Variants in CPED1 observed in about 807,000 individuals in gnomAD.
CPED1 encodes the protein cadherin-like and PC-esterase domain-containing protein 1.
In CPED1, 114 loss-of-function variants were observed where a neutral mutation model predicts 128.2. The ratio of observed to expected loss-of-function variants is 0.89; its 90% CI spans 0.76 to 1.04. CPED1 has a LOEUF of 1.04. Ranked by LOEUF, CPED1 falls within the 50% of genes least tolerant of loss-of-function variation. CPED1 has a pLI of 0.00. For missense variants in CPED1, 1,211 were observed against 1,207.1 expected, an observed-to-expected ratio of 1.00 and a Z score of -0.05; for synonymous variants, 462 against 426.7, an observed-to-expected ratio of 1.08 and a Z score of -1.02.
At position 121,294,377 on chromosome 7, in the gene CPED1, C is replaced by G. The variant is rs548798131; in HGVS notation, c.2869-1063C>G. Among the ~76,000 whole-genome samples, 368 of 152,054 alleles carry G rather than the reference C, an allele frequency of 2.4e-3. 2 individuals are homozygous for G. The highest frequency in any genetic ancestry group is 8.2e-3 in the African/African-American group (339 of 41,444). The stretch of plus-strand genomic sequence containing the variant: ...ACTTATGCATGATGCTTCTTAAAAC[C>G]GCTGTTCTCTGTGGTGGGAAGATCT... On this transcript the variant is annotated intron_variant, in intron 22 of 22. Coordinates refer to ENST00000310396, the MANE Select transcript of CPED1 (RefSeq NM_024913.5).
rs570166585 is a variant in CPED1 at position 121,192,359 on chromosome 7, T to G, written c.2056-44355T>G. Among the ~76,000 whole-genome samples, 3 of 152,304 alleles carry G rather than the reference T, an allele frequency of 2.0e-5. No individual in the cohort carries two copies. In the East Asian group the frequency reaches 5.8e-4, roughly 29 times the overall value. On this transcript the variant is annotated intron_variant, in intron 16 of 22. Coordinates refer to ENST00000310396, the MANE Select transcript of CPED1 (RefSeq NM_024913.5). ...GGATTTCAGATTCTTGGATTAGGGC[T>G]GCTCAACTGGTAAATATTTACTGCA...
intron 18 of CPED1, among the ~76,000 whole-genome samples, chr7:121,261,141 A>G (rs764263844): frequency 2.0e-5 from 3 of 152,128 alleles, no homozygotes; most frequent in Non-Finnish European, 2.9e-5. Flanking sequence ...AAGTCTAAGT[A>G]TTATCATTGT....
At chr7:121,174,877 G>A (rs1796740552) in intron 16 of CPED1, among the ~76,000 whole-genome samples, 1 of 151,976 alleles carries the variant, frequency 6.6e-6, no homozygotes, top group Non-Finnish European at 1.5e-5. Flanking sequence ...TTTTCCATTT[G>A]TTTGTGTCAT....
chr7:121,023,204 A>G (rs568009437), intron 3 of CPED1, among the ~76,000 whole-genome samples: 11 of 152,270 alleles, frequency 7.2e-5, no homozygotes, highest in African/African-American at 2.6e-4. Flanking sequence ...CAGGAATGAG[A>G]AAACAGATTG....
chr7:121,140,997 G>A lies in CPED1; in HGVS notation c.1870G>A (p.Glu624Lys), dbSNP rs758136467. The change falls in exon 15 of 23, where the codon GAG becomes AAG. Residue 624 changes from glutamate (E) to lysine (K), a missense_variant. Transcript: ENST00000310396. ...GTGTCTGTGCAAGGTGCACCTGTACGAGCAGGCAGGGCCAAGGTATGAGAT... is the reference window on the plus strand; with the variant it reads ...GTGTCTGTGCAAGGTGCACCTGTACAAGCAGGCAGGGCCAAGGTATGAGAT... ...PKCLCKVHLY[E>K]QAGPSFASYP... 2.1e-5 allele frequency: 34 copies of A among 1,610,310 alleles called. No homozygotes were observed. The highest frequency in any genetic ancestry group is 1.2e-4 in the South Asian group (11 of 90,468).
rs545994626 is a variant in CPED1 at position 121,183,717 on chromosome 7, G to A, written c.2055+41576G>A. On this transcript the variant is annotated intron_variant, in intron 16 of 22. Transcript: ENST00000310396. ...AGTTTTCTATGTATTTTAATTTTCAGGATTTCAATTTTGCTTTCAATGCTG... is the reference window on the plus strand; with the variant it reads ...AGTTTTCTATGTATTTTAATTTTCAAGATTTCAATTTTGCTTTCAATGCTG... Among the ~76,000 whole-genome samples the A allele has an allele frequency of 2.0e-5, 3 of 152,216 alleles. No homozygotes were observed. The South Asian group carries it at 6.2e-4, about 32-fold the overall frequency.
intron 14 of CPED1, 137 bp downstream of exon 14, chr7:121,136,227 G>T (rs13232048): frequency 0.38 from 306,139 of 808,842 alleles, 60,332 homozygotes; most frequent in Middle Eastern, 0.46. Flanking sequence ...GAAGTTATTA[G>T]ATTTCCAATG....
chr7:121,220,958 TTACTC>T (rs565073571), intron 16 of CPED1, among the ~76,000 whole-genome samples: 281 of 152,034 alleles, frequency 1.8e-3, no homozygotes, highest in African/African-American at 6.4e-3. Flanking sequence ...CTCCATATCT[TTACTC>T]TATATCCATC....
rs147863862 is a variant in CPED1 at position 121,269,219 on chromosome 7, A to G, written c.2721+1917A>G. Among the ~76,000 whole-genome samples, 472 of 152,104 alleles carry G rather than the reference A, an allele frequency of 3.1e-3. 4 individuals carry two copies. The highest frequency in any genetic ancestry group is 0.011 in the African/African-American group (452 of 41,544). On this transcript the variant is annotated intron_variant, in intron 21 of 22. Transcript: ENST00000310396. ...TTGTTTCTATCTTTATGCATATTCA[A>G]TATTCAGCTCCCACTCATAAGTGAG...
At chr7:120,995,996 A>G (rs977247272) in intron 2 of CPED1, among the ~76,000 whole-genome samples, 1 of 148,082 alleles carries the variant, frequency 6.8e-6, no homozygotes, top group African/African-American at 2.5e-5. Context: ...TTCTTCAATA[A>G]CTCTGGGAGT....
chr7:121,225,271 T>G (rs1477565889), intron 16 of CPED1, among the ~76,000 whole-genome samples: 1 of 152,190 alleles, frequency 6.6e-6, no homozygotes, highest in African/African-American at 2.4e-5. Flanking sequence ...GGGTTGCAAA[T>G]TCTTTTCTTT....
chr7:121,027,512 CT>C (rs1262479855), intron 3 of CPED1, among the ~76,000 whole-genome samples: 1 of 151,944 alleles, frequency 6.6e-6, no homozygotes, highest in Non-Finnish European at 1.5e-5. Context: ...CCATTTTCTT[CT>C]TTGGACTTTT....
rs139830736 is a variant in CPED1 at position 121,185,147 on chromosome 7, A to C, written c.2055+43006A>C. ...CACTCCTGAGACCCAAAGCAGAATC[A>C]AATTCTCCAGGTTAATAGCATCAGT... is the stretch of plus-strand genomic sequence containing the variant. On this transcript the variant is annotated intron_variant, in intron 16 of 22. Transcript: ENST00000310396. 1.4e-4 allele frequency among the ~76,000 whole-genome samples: 21 copies of C among 152,244 alleles called. 1 individual carries two copies. In the East Asian group the frequency reaches 3.3e-3, roughly 24 times the overall value.
rs138143822 is a variant in CPED1, at chr7:121,256,710, T to A, written c.2311-9517T>A. Among the ~76,000 whole-genome samples the A allele has an allele frequency of 4.4e-4, 67 of 152,140 alleles. 3 individuals are homozygous for A. The East Asian group carries it at 0.013, about 29-fold the overall frequency. ...CAAACCCATTACTGGGTATATTTAT[T>A]TATTTATTTCCTTCCCAAAGGAAAT... On this transcript the variant is annotated intron_variant, in intron 18 of 22. Transcript: ENST00000310396.
Position 121,099,965 on chromosome 7 carries a change from T to C in CPED1, c.789T>C (p.Phe263=). Residue 263 remains phenylalanine (F), a synonymous_variant, in exon 7 of 23, where the codon TTT becomes TTC. Transcript: ENST00000310396. ...TCCTTGCTCCACATGAAACAATCTT[T>C]CGAGCCGAAGATCTATCTGTGATTC... ...TTVLAPHETI[F]RAEDLSVILK... is the part of the protein sequence containing the mutation. 6.2e-7 allele frequency: 1 copy of C among 1,613,664 alleles called. No homozygotes were observed. Among genetic ancestry groups the C allele is most frequent in the Non-Finnish European group, 8.5e-7 (1 of 1,179,860 alleles).
chr7:121,055,812 ACAATTTCTCC>A (rs1793484309), intron 4 of CPED1, among the ~76,000 whole-genome samples: 1 of 151,982 alleles, frequency 6.6e-6, no homozygotes, highest in African/African-American at 2.4e-5. Flanking sequence ...GTTAGAAAAT[ACAATTTCTCC>A]CAGAAATGAA....
chr7:121,010,502 G>A (rs1455925788), intron 2 of CPED1, among the ~76,000 whole-genome samples: 4 of 152,284 alleles, frequency 2.6e-5, no homozygotes, highest in East Asian at 1.9e-4. Flanking sequence ...TCCTATTTTA[G>A]CTTCCCAAAG....
chr7:121,059,840 G>A (rs62470958), intron 4 of CPED1, among the ~76,000 whole-genome samples: 6,080 of 152,290 alleles, frequency 0.04, 220 homozygotes, highest in African/African-American at 0.081. Flanking sequence ...CGCTCTCGGC[G>A]CCTCCTCTGC....
At chr7:121,122,608 A>G (rs1290658952) in intron 7 of CPED1, among the ~76,000 whole-genome samples, 3 of 152,142 alleles carry the variant, frequency 2.0e-5, no homozygotes, top group Admixed American at 1.3e-4. Flanking sequence ...GCACAAAACC[A>G]AAGTTGAACC....
Sources: allele counts gnomAD v4.1 joint callset (sites outside exome capture counted in the v4.1 genomes callset), GRCh38; gene constraint gnomAD v4.1.1; transcripts MANE v1.5; gene names NCBI Gene and HGNC (gene_info 2026-07-23, HGNC 2026-07-21).